CAP2: variants seen among roughly 807,000 people sequenced by gnomAD.
CAP2 encodes cyclase associated actin cytoskeleton regulatory protein 2.
A neutral mutation model predicts 57.7 loss-of-function variants in CAP2; 24 were observed. The observed-to-expected ratio is 0.42, with a 90% CI of 0.30 to 0.58. The LOEUF is 0.58. Ranked by LOEUF, CAP2 falls within the 20% of genes least tolerant of loss-of-function variation. CAP2 has a pLI of 0.22. For synonymous variants in CAP2, 194 were observed against 207.2 expected (o/e 0.94, Z 0.55); for missense variants, 501 against 590.3 (o/e 0.85, Z 1.57).
At position 17,433,006 on chromosome 6, in the gene CAP2, T is replaced by G. The variant is rs543095793; in HGVS notation, c.222+6316T>G. ...TCCCTTCCATCCGTCCATCTATCTG[T>G]CTTTCTATCTTCTACAGAGAAGGAA... On this transcript the variant is annotated intron_variant, in intron 3 of 12. Coordinates refer to ENST00000229922, the MANE Select transcript of CAP2 (RefSeq NM_006366.3). 2.8e-5 allele frequency among the ~76,000 whole-genome samples: 4 copies of G among 144,798 alleles called. No homozygotes were observed. In the East Asian group the frequency reaches 9.0e-4, roughly 33 times the overall value. 95.0% of individuals were successfully genotyped at this position (144,798 alleles called of 152,430 possible). A position where few individuals can be genotyped will look rare whatever the true frequency, so the allele number is the denominator to read the frequency against.
At chr6:17,461,958 A>G (rs1365879628) in intron 3 of CAP2, among the ~76,000 whole-genome samples, 4 of 131,818 alleles carry the variant, frequency 3.0e-5, no homozygotes, top group Non-Finnish European at 6.2e-5. Context: ...GCACCATTGC[A>G]CTCCAGCCTG....
At chr6:17,449,664 C>G (rs961265212) in intron 3 of CAP2, among the ~76,000 whole-genome samples, 12 of 152,282 alleles carry the variant, frequency 7.9e-5, no homozygotes, top group Admixed American at 7.2e-4. Flanking sequence ...CCACCTCGGC[C>G]TCCCAAAGTG....
intron 1 of CAP2, among the ~76,000 whole-genome samples, chr6:17,414,758 G>T (rs982201071): frequency 1.3e-5 from 2 of 152,042 alleles, no homozygotes; most frequent in Non-Finnish European, 2.9e-5. Flanking sequence ...ATAATCCTTT[G>T]GGTCTATACC....
At chr6:17,405,763 C>T (rs7742432) in intron 1 of CAP2, among the ~76,000 whole-genome samples, 15,570 of 151,832 alleles carry the variant, frequency 0.1, 2,681 homozygotes, top group African/African-American at 0.36. Context: ...TTTTTTGAAA[C>T]AGGGTCTCAC....
intron 8 of CAP2, 41 bp downstream of exon 8, chr6:17,539,499 C>G: frequency 1.3e-6 from 2 of 1,521,256 alleles, no homozygotes; most frequent in Non-Finnish European, 1.8e-6. Flanking sequence ...CTCCCTTTCC[C>G]TCTGGCTCCC....
At chr6:17,412,249 G>A (rs1231978110) in intron 1 of CAP2, among the ~76,000 whole-genome samples, 6 of 152,142 alleles carry the variant, frequency 3.9e-5, no homozygotes, top group East Asian at 1.9e-4. Context: ...TGGCTGAACT[G>A]TCTACTCCTC....
In CAP2 at chr6:17,493,185, G is replaced by T. The variant is rs79126801; in HGVS notation, c.301-13984G>T. 3.3e-3 allele frequency among the ~76,000 whole-genome samples: 499 copies of T among 152,268 alleles called. 2 individuals carry two copies. Among genetic ancestry groups the T allele is most frequent in the Non-Finnish European group, 5.1e-3 (349 of 68,012 alleles). On this transcript the variant is annotated intron_variant, in intron 4 of 12. Coordinates refer to ENST00000229922, the MANE Select transcript of CAP2 (RefSeq NM_006366.3). Reference sequence around the variant, plus strand: ...ATTTTTATTTGTCACTTCAGTGTTAGTTTGTGTATTCATTCACTTGTTCAT... The same window carrying T: ...ATTTTTATTTGTCACTTCAGTGTTATTTTGTGTATTCATTCACTTGTTCAT...
At chr6:17,462,110 A>G (rs1001785231) in intron 3 of CAP2, among the ~76,000 whole-genome samples, 5 of 151,860 alleles carry the variant, frequency 3.3e-5, no homozygotes, top group Non-Finnish European at 5.9e-5. Flanking sequence ...AAGGTAAGAG[A>G]ATATGTGTTT....
chr6:17,454,194 G>A (rs893474710), intron 3 of CAP2, among the ~76,000 whole-genome samples: 3 of 152,008 alleles, frequency 2.0e-5, no homozygotes, highest in African/African-American at 7.3e-5. Context: ...ACGGGCATGA[G>A]CCACTGCGTC....
intron 4 of CAP2, among the ~76,000 whole-genome samples, chr6:17,499,313 C>A (rs768480061): frequency 1.4e-5 from 2 of 146,760 alleles, no homozygotes; most frequent in African/African-American, 2.5e-5. Context: ...GCAGGAGAAT[C>A]GCTTGAACCC....
intron 12 of CAP2, among the ~76,000 whole-genome samples, chr6:17,553,774 T>C (rs1314462514): frequency 1.3e-5 from 2 of 152,122 alleles, no homozygotes; most frequent in African/African-American, 4.8e-5. Flanking sequence ...ATGGAGGAGA[T>C]GATTCGTCCT....
chr6:17,503,834 G>A (rs1761901955), intron 4 of CAP2, among the ~76,000 whole-genome samples: 1 of 152,274 alleles, frequency 6.6e-6, no homozygotes, highest in Middle Eastern at 3.4e-3. Context: ...TCTGATTCAA[G>A]GTCTTTTCAC....
intron 1 of CAP2, 76 bp from the exon 2 acceptor site, chr6:17,421,479 G>A (rs1421254864): frequency 4.7e-6 from 7 of 1,476,282 alleles, no homozygotes; most frequent in Non-Finnish European, 5.7e-6. Flanking sequence ...CCTCGCTGTT[G>A]TTGAGACTGA....
chr6:17,553,291 C>T lies in CAP2; in HGVS notation c.1350+1687C>T, dbSNP rs147369367. The stretch of plus-strand genomic sequence containing the variant: ...AGTGGGGAGCCAACATTGAAATCCA[C>T]CGGCCTAAAGGATGAGTGTAAATCA... On this transcript the variant is annotated intron_variant, in intron 12 of 12. Coordinates refer to ENST00000229922, the MANE Select transcript of CAP2 (RefSeq NM_006366.3). 5.2e-3 allele frequency among the ~76,000 whole-genome samples: 792 copies of T among 152,294 alleles called. 8 individuals are homozygous for T. Among genetic ancestry groups the T allele is most frequent in the Non-Finnish European group, 8.8e-3 (596 of 68,020 alleles).
chr6:17,434,389 C>T (rs543628573), intron 3 of CAP2, among the ~76,000 whole-genome samples: 27 of 152,024 alleles, frequency 1.8e-4, no homozygotes, highest in African/African-American at 3.4e-4. Flanking sequence ...CCACCAAGCC[C>T]GGCTAATTTT....
intron 3 of CAP2, among the ~76,000 whole-genome samples, chr6:17,453,052 T>C (rs145252674): frequency 4.3e-4 from 66 of 152,320 alleles, no homozygotes; most frequent in African/African-American, 1.5e-3. Flanking sequence ...TCAACATTGG[T>C]TGGGTTTAAC....
At position 17,507,395 on chromosome 6, in the gene CAP2, G is replaced by T. The variant is rs777662479; in HGVS notation, c.444+83G>T. 3.1e-5 allele frequency: 43 copies of T among 1,406,076 alleles called. 1 individual carries two copies. The highest frequency in any genetic ancestry group is 4.0e-5 in the Non-Finnish European group (40 of 1,009,216). 87.1% of individuals were successfully genotyped at this position (1,406,076 alleles called of 1,614,324 possible). A position where few individuals can be genotyped will look rare whatever the true frequency, so the allele number is the denominator to read the frequency against. ...GAACTAGTAGCTTAGCTACCTTCACGCTCCTTGCACTGAAGGAAGCTTCTT... is the reference window on the plus strand; with the variant it reads ...GAACTAGTAGCTTAGCTACCTTCACTCTCCTTGCACTGAAGGAAGCTTCTT... On this transcript the variant is annotated intron_variant, in intron 5 of 12. Coordinates refer to ENST00000229922, the MANE Select transcript of CAP2 (RefSeq NM_006366.3).
At chr6:17,430,544 T>G (rs917681068) in intron 3 of CAP2, among the ~76,000 whole-genome samples, 1 of 151,562 alleles carries the variant, frequency 6.6e-6, no homozygotes, top group African/African-American at 2.4e-5. Flanking sequence ...CTTTGGGTTT[T>G]TTTTTTTTTT....
intron 11 of CAP2, among the ~76,000 whole-genome samples, chr6:17,548,292 G>A (rs1010793035): frequency 2.0e-5 from 3 of 151,794 alleles, no homozygotes; most frequent in Non-Finnish European, 2.9e-5. Context: ...GCTTGAACCT[G>A]GGAGGCGGAG....
Sources: allele counts gnomAD v4.1 joint callset (sites outside exome capture counted in the v4.1 genomes callset), GRCh38; gene constraint gnomAD v4.1.1; transcripts MANE v1.5; gene names NCBI Gene and HGNC (gene_info 2026-07-23, HGNC 2026-07-21).